The following COL4A4 variants were observed in gnomAD, a reference collection of about 807,000 sequenced individuals.
The protein encoded by COL4A4 is collagen alpha-4(IV) chain.
COL4A4 carries 105 observed loss-of-function variants against 192.9 expected under a neutral mutation model. That is an observed-to-expected ratio of 0.54 (90% CI 0.46 to 0.64). COL4A4 has a LOEUF of 0.64. Ranked by LOEUF, COL4A4 falls within the 30% of genes least tolerant of loss-of-function variation. COL4A4 has a pLI of 0.00. For synonymous variants in COL4A4, 762 were observed against 769.9 expected, an observed-to-expected ratio of 0.99 and a Z score of 0.17; for missense variants, 1,967 against 2,169.3, an observed-to-expected ratio of 0.91 and a Z score of 1.85.
At chr2:227,045,799 CACATAT>C (rs1559487136) in intron 35 of COL4A4, among the ~76,000 whole-genome samples, 1 of 54,330 alleles carries the variant, frequency 1.8e-5, no homozygotes, top group African/African-American at 1.4e-4. Context: ...TATATATATA[CACATAT>C]ATATATATAT....
At chr2:227,016,794 T>C (rs1964968684) in intron 44 of COL4A4, among the ~76,000 whole-genome samples, 1 of 152,188 alleles carries the variant, frequency 6.6e-6, no homozygotes, top group Non-Finnish European at 1.5e-5. Flanking sequence ...GTTATGCTTT[T>C]GTGCTCCCAG....
At chr2:226,978,514 C>T in the COL4A4 span, among the ~76,000 whole-genome samples, 1 of 152,198 alleles carries the variant, frequency 6.6e-6, no homozygotes, top group Non-Finnish European at 1.5e-5. Context: ...TACGTCGAGC[C>T]TCAGTCTTTA....
intron 12 of COL4A4, among the ~76,000 whole-genome samples, chr2:227,104,790 G>A (rs906624229): frequency 2.7e-4 from 40 of 150,346 alleles, no homozygotes; most frequent in African/African-American, 4.2e-4. Context: ...ACAGGCATGC[G>A]CCACCATGCC....
intron 24 of COL4A4, 40 bp downstream of exon 24, chr2:227,080,403 A>C: frequency 3.9e-6 from 6 of 1,544,122 alleles, no homozygotes; most frequent in Non-Finnish European, 5.4e-6. Context: ...TGACCATATA[A>C]GAAAGTGAAA....
chr2:227,039,370 T>C (rs1970334701), intron 37 of COL4A4, among the ~76,000 whole-genome samples: 2 of 152,120 alleles, frequency 1.3e-5, no homozygotes, highest in South Asian at 4.2e-4. Context: ...GGTTTCGCTA[T>C]ATGTTGGCCA....
In COL4A4 at chr2:227,147,417, G is replaced by T. The variant is rs756127918; in HGVS notation, c.67C>A (p.Pro23Thr). 1.9e-6 allele frequency: 3 copies of T among 1,613,260 alleles called. No homozygotes were observed. Among genetic ancestry groups the T allele is most frequent in the Non-Finnish European group, 2.5e-6 (3 of 1,179,454 alleles). ...AATCACACTGAGGATACTCACCAGGGACCTGTGGCCAAGGACTTGGTCAAT... is the reference window on the plus strand; with the variant it reads ...AATCACACTGAGGATACTCACCAGGTACCTGTGGCCAAGGACTTGGTCAAT... ...FRLTKSLATG[P>T]WSLILILFSV... The change falls in exon 2 of 48, where the codon CCC (proline) becomes ACC (threonine). Residue 23 changes from proline (P) to threonine (T), a missense_variant. Pro to Thr is a conservative substitution (Grantham distance 38). Transcript: ENST00000396625.
intron 37 of COL4A4, among the ~76,000 whole-genome samples, chr2:227,041,726 GGAAGGAAGGAAGGA>G (rs1970932939): frequency 4.8e-5 from 1 of 20,898 alleles, no homozygotes; most frequent in Non-Finnish European, 9.6e-5. Flanking sequence ...GGAGGAGGAA[GGAAGGAAGGAAGGA>G]AGGAAGGAAG....
chr2:227,158,384 A>G (rs1477407978), intron 1 of COL4A4, among the ~76,000 whole-genome samples: 1 of 152,218 alleles, frequency 6.6e-6, no homozygotes, highest in African/African-American at 2.4e-5. Context: ...ACACAAGAAG[A>G]AAACATAGGA....
chr2:227,054,565 T>TACA (rs1354882167), intron 31 of COL4A4, 29 bp downstream of exon 31: 1 of 1,613,530 alleles, frequency 6.2e-7, no homozygotes, highest in African/African-American at 1.3e-5. Context: ...CAGAAACAAA[T>TACA]GCATGTTGCA....
intron 30 of COL4A4, 68 bp downstream of exon 30, chr2:227,055,877 A>G (rs895903714): frequency 8.5e-5 from 120 of 1,404,202 alleles, no homozygotes; most frequent in Non-Finnish European, 9.9e-5. Context: ...TCATCTGTCC[A>G]GTCTTCACTT....
At chr2:227,153,231 T>G (rs1002466619) in intron 1 of COL4A4, among the ~76,000 whole-genome samples, 1 of 152,104 alleles carries the variant, frequency 6.6e-6, no homozygotes, top group African/African-American at 2.4e-5. Flanking sequence ...GAGCTACAAT[T>G]TAAAATGAGG....
intron 3 of COL4A4, among the ~76,000 whole-genome samples, chr2:227,140,916 CA>C (rs1559725918): frequency 1.1e-3 from 159 of 150,746 alleles, no homozygotes; most frequent in African/African-American, 3.6e-3. Flanking sequence ...CACACACACA[CA>C]CACACCCTTT....
intron 32 of COL4A4, among the ~76,000 whole-genome samples, chr2:227,052,041 A>C (rs1974225537): frequency 6.6e-6 from 1 of 152,108 alleles, no homozygotes; most frequent in Non-Finnish European, 1.5e-5. Context: ...AAATACAAAA[A>C]TTAGCCAGGC....
At chr2:226,982,252 T>C in the COL4A4 span, among the ~76,000 whole-genome samples, 3 of 152,250 alleles carry the variant, frequency 2.0e-5, no homozygotes, top group East Asian at 5.8e-4. Flanking sequence ...CAGAGCAGTT[T>C]GTCTTCCTCT....
intron 43 of COL4A4, among the ~76,000 whole-genome samples, chr2:227,024,470 G>A (rs749947640): frequency 3.9e-5 from 6 of 151,984 alleles, no homozygotes; most frequent in Non-Finnish European, 8.8e-5. Context: ...AGCCTGGGCA[G>A]CAGAGCAAGA....
At chr2:227,135,248 C>A (rs113873037) in intron 4 of COL4A4, among the ~76,000 whole-genome samples, 27 of 152,030 alleles carry the variant, frequency 1.8e-4, no homozygotes, top group African/African-American at 5.8e-4. Context: ...AACCAGCCCC[C>A]TCTAGGACAA....
chr2:226,988,806 A>G, the COL4A4 span: 2 of 676,950 alleles, frequency 3.0e-6, no homozygotes, highest in Non-Finnish European at 1.8e-6. Flanking sequence ...AAAATACTTG[A>G]GAGTTAACTA....
At chr2:227,102,688 T>G in intron 15 of COL4A4, 101 bp downstream of exon 15, 1 of 962,744 alleles carries the variant, frequency 1.0e-6, no homozygotes, top group Non-Finnish European at 1.7e-6. Flanking sequence ...ACATGAGCTA[T>G]TCTTCACTTT....
intron 1 of COL4A4, among the ~76,000 whole-genome samples, chr2:227,160,524 G>C (rs1323397296): frequency 6.6e-6 from 1 of 152,122 alleles, no homozygotes; most frequent in Non-Finnish European, 1.5e-5. Flanking sequence ...AGGTCCCTGA[G>C]TGGCTACAAT....
Sources: gnomAD v4.1 joint callset for allele counts (sites outside exome capture counted in the v4.1 genomes callset) on GRCh38, gnomAD v4.1.1 for gene constraint, MANE v1.5 for transcripts, NCBI Gene and HGNC (gene_info 2026-07-23, HGNC 2026-07-21) for gene names.